Variants in CNNM2 observed in about 807,000 individuals in gnomAD.
The protein encoded by CNNM2 is metal transporter CNNM2.
In CNNM2, 12 loss-of-function variants were observed where a neutral mutation model predicts 66.9. The observed-to-expected ratio is 0.18, with a 90% CI of 0.11 to 0.29. The LOEUF (loss-of-function observed/expected upper bound fraction) is 0.29, where lower values mean the gene tolerates loss of function less well. CNNM2 is among the 10% of genes least tolerant of loss of function. The pLI, the probability that CNNM2 is intolerant of heterozygous loss-of-function variation, is 1.00. For missense variants in CNNM2, 705 were observed against 1,167.7 expected (o/e 0.60, Z 5.77); for synonymous variants, 557 against 501.8 (o/e 1.11, Z -1.47).
At chr10:102,940,004 A>AC (rs141700373) in intron 1 of CNNM2, among the ~76,000 whole-genome samples, 10 of 97,914 alleles carry the variant, frequency 1.0e-4, no homozygotes, top group African/African-American at 2.6e-4. Flanking sequence ...CAACAACAAA[A>AC]AAAAAACCGC....
At chr10:103,074,119 C>T (rs2065648955) in intron 6 of CNNM2, among the ~76,000 whole-genome samples, 1 of 151,952 alleles carries the variant, frequency 6.6e-6, no homozygotes, top group African/African-American at 2.4e-5. Context: ...GAAACCCCGT[C>T]TCTACTAAAA....
chr10:103,055,280 C>T (rs2065278063), intron 3 of CNNM2, among the ~76,000 whole-genome samples: 2 of 152,208 alleles, frequency 1.3e-5, no homozygotes, highest in African/African-American at 4.8e-5. Context: ...GCAGCCAGTG[C>T]CTTTCATCTG....
chr10:103,071,713 TAC>T, intron 5 of CNNM2, 59 bp from the exon 6 acceptor site: 1 of 1,295,388 alleles, frequency 7.7e-7, no homozygotes, highest in Non-Finnish European at 1.1e-6. Context: ...GTCCCTTGAT[TAC>T]AGAGATCTCT....
intron 1 of CNNM2, among the ~76,000 whole-genome samples, chr10:102,967,372 C>A: frequency 6.6e-6 from 1 of 152,326 alleles, no homozygotes; most frequent in East Asian, 1.9e-4. Flanking sequence ...GAATTGCCAC[C>A]TCAACCCAGT....
Position 103,084,896 on chromosome 10 carries a change from G to C in CNNM2, c.*7716G>C, listed in dbSNP as rs1205285203. ...TACTTTTTGAAGGTAATTTAAAAGA[G>C]ATGATTCTTTATTAAAGCCAAAAAG... On this transcript the variant is annotated 3_prime_UTR_variant, in exon 8 of 8. Transcript: ENST00000369878. The C allele has an allele frequency of 6.6e-6, 1 of 152,198 alleles. No individual in the cohort carries two copies. The highest frequency in any genetic ancestry group is 6.5e-5 in the Admixed American group (1 of 15,280). 9.4% of individuals were successfully genotyped at this position (152,198 alleles called of 1,614,324 possible).
intron 1 of CNNM2, among the ~76,000 whole-genome samples, chr10:103,007,404 G>A (rs990319287): frequency 6.6e-6 from 1 of 152,114 alleles, no homozygotes; most frequent in African/African-American, 2.4e-5. Context: ...TTACCAGGGT[G>A]GGGTTTCTTT....
chr10:102,936,200 G>A (rs1192100509), intron 1 of CNNM2, among the ~76,000 whole-genome samples: 1 of 152,070 alleles, frequency 6.6e-6, no homozygotes, highest in African/African-American at 2.4e-5. Context: ...GCGGAGTGGC[G>A]TTTGGGTTTA....
chr10:103,049,503 C>T (rs538902422), intron 1 of CNNM2, among the ~76,000 whole-genome samples: 3 of 152,302 alleles, frequency 2.0e-5, no homozygotes, highest in Admixed American at 1.3e-4. Context: ...GAGGGTGACG[C>T]TCTTCTGGCG....
rs1307699216 is a variant in CNNM2 at position 103,086,810 on chromosome 10, A to C, written c.*9630A>C. ...GAGAAAAATCTTAGGTCTAAATAGA[A>C]CCCTAAACTTTCTTGGCTGTGACCA... On this transcript the variant is annotated 3_prime_UTR_variant, in exon 8 of 8. Coordinates refer to ENST00000369878, the MANE Select transcript of CNNM2 (RefSeq NM_017649.5). 5 of 152,174 alleles carry C rather than the reference A, an allele frequency of 3.3e-5. No homozygotes were observed. Among genetic ancestry groups the C allele is most frequent in the Non-Finnish European group, 7.3e-5 (5 of 68,038 alleles). 9.4% of individuals were successfully genotyped at this position (152,174 alleles called of 1,614,324 possible).
At chr10:103,047,674 C>A (rs1374710233) in intron 1 of CNNM2, among the ~76,000 whole-genome samples, 3 of 152,148 alleles carry the variant, frequency 2.0e-5, no homozygotes, top group South Asian at 4.1e-4. Flanking sequence ...TTTTAAAAAT[C>A]TGTTGTTCTG....
At chr10:103,032,789 G>A (rs530223781) in intron 1 of CNNM2, among the ~76,000 whole-genome samples, 4 of 151,128 alleles carry the variant, frequency 2.6e-5, no homozygotes, top group South Asian at 2.1e-4. Flanking sequence ...GGGCTTTATC[G>A]TGGATGTTTA....
chr10:103,052,279 C>CA (rs1165993149), intron 2 of CNNM2, among the ~76,000 whole-genome samples: 219 of 76,098 alleles, frequency 2.9e-3, no homozygotes, highest in East Asian at 0.016. Context: ...GAATCCGTCT[C>CA]AAAAAAAAAA....
In CNNM2 at chr10:103,083,272, G is replaced by A. The variant is rs1184878487; in HGVS notation, c.*6092G>A. ...GAATGCATTTTATAATTCAAATGAT[G>A]TAGATGTACAGTCTCTCCTATTTAT... On this transcript the variant is annotated 3_prime_UTR_variant, in exon 8 of 8. Coordinates refer to ENST00000369878, the MANE Select transcript of CNNM2 (RefSeq NM_017649.5). 6.6e-6 allele frequency: 1 copy of A among 152,222 alleles called. No individual in the cohort carries two copies. 9.4% of individuals were successfully genotyped at this position (152,222 alleles called of 1,614,324 possible).
chr10:102,955,722 AC>A, intron 1 of CNNM2, among the ~76,000 whole-genome samples: 1 of 152,372 alleles, frequency 6.6e-6, no homozygotes, highest in African/African-American at 2.4e-5. Flanking sequence ...AAGGATATGA[AC>A]AGACACTTCT....
chr10:102,923,509 T>C (rs374438949), intron 1 of CNNM2, among the ~76,000 whole-genome samples: 2 of 152,214 alleles, frequency 1.3e-5, no homozygotes, highest in African/African-American at 2.4e-5. Context: ...CTCTCTCTTA[T>C]GCTGCTCTCC....
At chr10:103,036,419 G>A (rs937613179) in intron 1 of CNNM2, among the ~76,000 whole-genome samples, 1 of 152,118 alleles carries the variant, frequency 6.6e-6, no homozygotes, top group Non-Finnish European at 1.5e-5. Flanking sequence ...TCCCATTAGG[G>A]ACTTCATTTG....
rs1845836835 is a variant in CNNM2, at chr10:102,925,691, T to C, written c.1621+5590T>C. ...CATCATTGAAAAAACAAATAGTGAGTGTTACCGTTGGTTTTTATTGGTCTC... is the reference window on the plus strand; with the variant it reads ...CATCATTGAAAAAACAAATAGTGAGCGTTACCGTTGGTTTTTATTGGTCTC... On this transcript the variant is annotated intron_variant, in intron 1 of 7. Transcript: ENST00000369878. Among the ~76,000 whole-genome samples the C allele has an allele frequency of 2.0e-5, 3 of 152,150 alleles. No individual in the cohort carries two copies. In the South Asian group the frequency reaches 6.2e-4, roughly 32 times the overall value.
At chr10:103,062,674 C>T (rs1572578) in intron 4 of CNNM2, among the ~76,000 whole-genome samples, 1 of 152,038 alleles carries the variant, frequency 6.6e-6, no homozygotes, top group Non-Finnish European at 1.5e-5. Context: ...GGCTGCTGCC[C>T]TGCGAGCTCC....
Position 102,938,202 on chromosome 10 carries a change from G to A in CNNM2, c.1621+18101G>A, listed in dbSNP as rs191524062. Among the ~76,000 whole-genome samples the A allele has an allele frequency of 3.0e-4, 46 of 151,440 alleles. No homozygotes were observed. In the East Asian group the frequency reaches 7.8e-3, roughly 26 times the overall value. On this transcript the variant is annotated intron_variant, in intron 1 of 7. Coordinates refer to ENST00000369878, the MANE Select transcript of CNNM2 (RefSeq NM_017649.5). The stretch of plus-strand genomic sequence containing the variant: ...TGTAATCCCAGCACTCTGGGAGGCC[G>A]AGGCAGGTGGATTGCTCAAGATCAG...
Sources: gnomAD v4.1 joint callset for allele counts (sites outside exome capture counted in the v4.1 genomes callset) on GRCh38, gnomAD v4.1.1 for gene constraint, MANE v1.5 for transcripts, NCBI Gene and HGNC (gene_info 2026-07-23, HGNC 2026-07-21) for gene names.